LTBP1: variants seen among roughly 807,000 people sequenced by gnomAD.
LTBP1 encodes latent transforming growth factor beta binding protein 1, also known as latent-transforming growth factor beta-binding protein 1.
A neutral mutation model predicts 207.6 loss-of-function variants in LTBP1; 129 were observed. The ratio of observed to expected loss-of-function variants is 0.62; its 90% CI spans 0.54 to 0.72. LTBP1 has a LOEUF of 0.72. LTBP1 is among the 30% of genes least tolerant of loss of function. LTBP1 has a pLI of 0.00. For synonymous variants in LTBP1, 963 were observed against 833.7 expected (o/e 1.16, Z -2.67); for missense variants, 2,281 against 2,217.2 (o/e 1.03, Z -0.58).
At chr2:33,077,074 C>T (rs17397004) in intron 3 of LTBP1, among the ~76,000 whole-genome samples, 9,702 of 152,204 alleles carry the variant, frequency 0.064, 388 homozygotes, top group South Asian at 0.14. Flanking sequence ...GAAGACAAGT[C>T]GTGAATTCTA....
chr2:33,296,458 T>A (rs2093876720), intron 20 of LTBP1, among the ~76,000 whole-genome samples: 1 of 152,178 alleles, frequency 6.6e-6, no homozygotes, highest in Non-Finnish European at 1.5e-5. Context: ...GCTTACCTGA[T>A]GTGGCTCTTC....
At chr2:33,363,363 T>C (rs748449519) in intron 28 of LTBP1, 27 bp from the exon 29 acceptor site, 2 of 1,612,176 alleles carry the variant, frequency 1.2e-6, no homozygotes, top group Non-Finnish European at 1.7e-6. Context: ...AACTCCTTTT[T>C]GTATTTCTCA....
chr2:33,090,993 A>G (rs1187049474), intron 3 of LTBP1, among the ~76,000 whole-genome samples: 3 of 152,182 alleles, frequency 2.0e-5, no homozygotes, highest in East Asian at 1.9e-4. Context: ...CTTGGCTTCC[A>G]TAGTGTGCAC....
intron 3 of LTBP1, among the ~76,000 whole-genome samples, chr2:33,035,401 G>A (rs1186977682): frequency 6.6e-6 from 1 of 152,206 alleles, no homozygotes; most frequent in East Asian, 1.9e-4. Context: ...TTTGAGACCA[G>A]AATAGAAGAC....
intron 32 of LTBP1, among the ~76,000 whole-genome samples, chr2:33,390,357 C>T (rs143923079): frequency 1.3e-5 from 2 of 152,078 alleles, no homozygotes; most frequent in Non-Finnish European, 2.9e-5. Flanking sequence ...AAGTCTGAAA[C>T]AGCAGGAGGT....
chr2:33,123,237 G>A (rs958145166), intron 4 of LTBP1, among the ~76,000 whole-genome samples: 6 of 152,200 alleles, frequency 3.9e-5, no homozygotes, highest in African/African-American at 9.6e-5. Flanking sequence ...TCATGTCTAA[G>A]CTTCCACTGG....
chr2:32,968,626 T>C (rs1305560905), intron 2 of LTBP1, among the ~76,000 whole-genome samples: 2 of 152,198 alleles, frequency 1.3e-5, no homozygotes, highest in Non-Finnish European at 2.9e-5. Flanking sequence ...TTAAAGTGAT[T>C]ATTGATACAG....
intron 31 of LTBP1, among the ~76,000 whole-genome samples, chr2:33,377,421 A>G (rs1053867761): frequency 1.3e-5 from 2 of 152,218 alleles, no homozygotes; most frequent in Non-Finnish European, 2.9e-5. Flanking sequence ...TGACATGAGC[A>G]CTTCTGAAAT....
At chr2:33,086,361 C>A (rs545239513) in intron 3 of LTBP1, among the ~76,000 whole-genome samples, 1 of 152,272 alleles carries the variant, frequency 6.6e-6, no homozygotes, top group East Asian at 1.9e-4. Flanking sequence ...GTTTAGTTAC[C>A]GGAACAGGGG....
At chr2:32,979,513 T>C (rs1422804189) in intron 2 of LTBP1, among the ~76,000 whole-genome samples, 1 of 152,178 alleles carries the variant, frequency 6.6e-6, no homozygotes, top group Non-Finnish European at 1.5e-5. Context: ...AAATTCCTTT[T>C]GAATTGATTT....
chr2:32,947,461 G>A lies in LTBP1; in HGVS notation c.137G>A (p.Ser46Asn), dbSNP rs1676351734. 3 of 1,442,450 alleles carry A rather than the reference G, an allele frequency of 2.1e-6. No homozygotes were observed. Among genetic ancestry groups the A allele is most frequent in the South Asian group, 2.7e-5 (2 of 74,918 alleles). The allele number at this position is 1,442,450 out of a possible 1,614,324, so 89.4% of individuals were successfully genotyped here. Residue 46 changes from serine to asparagine, a missense_variant, in exon 1 of 34, where the codon AGC becomes AAC. By Grantham distance (46) the Ser-to-Asn change is conservative. This residue lies in a region of LTBP1 where 555 missense variants were observed against 491.0 expected (regional missense o/e 1.13). Coordinates refer to ENST00000404816, the MANE Select transcript of LTBP1 (RefSeq NM_206943.4). ...PGLAAGALPL[S>N]GPPRSRTFNV... The stretch of plus-strand genomic sequence containing the variant: ...CTGGCAGCCGGCGCCTTGCCCCTGA[G>A]CGGGCCCCCGCGTTCGCGGACATTC...
chr2:33,070,940 G>A (rs775665468), intron 3 of LTBP1, among the ~76,000 whole-genome samples: 2 of 152,182 alleles, frequency 1.3e-5, no homozygotes, highest in Non-Finnish European at 2.9e-5. Flanking sequence ...CAATTGCTGG[G>A]CTGAGTGATT....
intron 5 of LTBP1, among the ~76,000 whole-genome samples, chr2:33,155,705 G>T (rs2083920248): frequency 6.6e-6 from 1 of 151,888 alleles, no homozygotes; most frequent in African/African-American, 2.4e-5. Flanking sequence ...CTTTCCCACT[G>T]CACTTCTGGT....
chr2:33,176,944 A>C (rs1044557613), intron 5 of LTBP1, among the ~76,000 whole-genome samples: 4 of 152,202 alleles, frequency 2.6e-5, no homozygotes, highest in Non-Finnish European at 5.9e-5. Context: ...CTATGTGCTG[A>C]GTTCTGTGTA....
At chr2:33,186,545 G>C (rs2087221343) in intron 5 of LTBP1, among the ~76,000 whole-genome samples, 1 of 152,276 alleles carries the variant, frequency 6.6e-6, no homozygotes, top group East Asian at 1.9e-4. Context: ...AAATGGCATG[G>C]TGGTAGACAA....
At chr2:33,106,626 T>C (rs891085169) in intron 3 of LTBP1, among the ~76,000 whole-genome samples, 19 of 152,190 alleles carry the variant, frequency 1.2e-4, no homozygotes, top group Middle Eastern at 3.4e-3. Context: ...TTTTTTTTTT[T>C]CCCTGAAAAG....
At chr2:33,253,706 C>T (rs746252992) in intron 11 of LTBP1, among the ~76,000 whole-genome samples, 1 of 151,996 alleles carries the variant, frequency 6.6e-6, no homozygotes, top group Non-Finnish European at 1.5e-5. Context: ...CCATAGCAGA[C>T]AAGATTTAAA....
chr2:33,398,517 A>G lies in LTBP1; in HGVS notation c.5138A>G (p.Asn1713Ser). The change falls in exon 34 of 34, where the codon AAT becomes AGT. Residue 1713 changes from asparagine to serine, a missense_variant. Around this residue, in one of 3 missense-constraint regions of LTBP1, gnomAD observed 1,671 missense variants for 1,634.8 expected, o/e 1.02. Coordinates refer to ENST00000404816, the MANE Select transcript of LTBP1 (RefSeq NM_206943.4). ...TGCACTCCGTTGAATACCGCCTTGA[A>G]TTTAGAGAAAGACAGTGACCTGGAG... ...NYCTPLNTAL[N>S]LEKDSDLE 6.2e-7 allele frequency: 1 copy of G among 1,614,138 alleles called. No individual in the cohort carries two copies. Among genetic ancestry groups the G allele is most frequent in the Non-Finnish European group, 8.5e-7 (1 of 1,179,990 alleles).
chr2:33,264,820 T>G (rs974329762), intron 15 of LTBP1, among the ~76,000 whole-genome samples: 2 of 152,130 alleles, frequency 1.3e-5, no homozygotes, highest in Non-Finnish European at 2.9e-5. Flanking sequence ...TATCCAGATA[T>G]GTAGAAAGAG....
Sources: gnomAD v4.1 joint callset for allele counts (sites outside exome capture counted in the v4.1 genomes callset) on GRCh38, gnomAD v4.1.1 for gene constraint, gnomAD v4.1.1 regional missense constraint, MANE v1.5 for transcripts, NCBI Gene and HGNC (gene_info 2026-07-23, HGNC 2026-07-21) for gene names.